The following PSG4 variants were observed in gnomAD, a reference collection of about 807,000 sequenced individuals.
The protein encoded by PSG4 is pregnancy specific beta-1-glycoprotein 4.
Under a neutral mutation model 44.3 loss-of-function variants are expected in PSG4, and 61 were observed. The observed-to-expected ratio is 1.38, with a 90% CI of 1.12 to 1.70. The LOEUF (loss-of-function observed/expected upper bound fraction) is 1.70. PSG4 is among the 40% of genes most tolerant of loss of function. The pLI is 0.00. For missense variants in PSG4, 677 were observed against 511.7 expected, an observed-to-expected ratio of 1.32 and a Z score of -3.12; for synonymous variants, 248 against 191.3, an observed-to-expected ratio of 1.30 and a Z score of -2.45.
rs1967073008 is a variant in PSG4, at chr19:43,192,717, C to T, written c.*655G>A. 1.3e-5 allele frequency: 2 copies of T among 159,092 alleles called. No homozygotes were observed. The highest frequency in any genetic ancestry group is 1.4e-5 in the Non-Finnish European group (1 of 72,076). 9.9% of individuals were successfully genotyped at this position (159,092 alleles called of 1,614,324 possible). On this transcript the variant is annotated 3_prime_UTR_variant, in exon 6 of 6. Coordinates refer to ENST00000405312, the MANE Select transcript of PSG4 (RefSeq NM_002780.5). Reference sequence around the variant, plus strand: ...GAGAACAGTATTAGCAAATGTGGTACATGTTTTATTCTGCTAGAATCAGTA... The same window carrying T: ...GAGAACAGTATTAGCAAATGTGGTATATGTTTTATTCTGCTAGAATCAGTA...
At chr19:43,197,502 C>T (rs1191718693) in intron 3 of PSG4, among the ~76,000 whole-genome samples, 4 of 142,882 alleles carry the variant, frequency 2.8e-5, no homozygotes, top group Non-Finnish European at 6.0e-5. Context: ...AATGCTCTGC[C>T]AGTGGGTGAG....
chr19:43,193,497 T>A (rs1967097071), intron 5 of PSG4, 109 bp from the exon 6 acceptor site: 2 of 734,512 alleles, frequency 2.7e-6, no homozygotes, highest in East Asian at 4.9e-5. Flanking sequence ...TGGGCATCTC[T>A]AGTTTTACCA....
chr19:43,193,677 A>G (rs1247990461), intron 5 of PSG4: 5 of 553,192 alleles, frequency 9.0e-6, no homozygotes, highest in African/African-American at 1.9e-5. Context: ...AACTTTTACA[A>G]AACCCTTGAG....
At position 43,203,894 on chromosome 19, in the gene PSG4, G is replaced by A. The variant is rs557418562; in HGVS notation, c.422C>T (p.Thr141Ile). Reference protein sequence around the residue: ...TGGVTGHFTFTLHLETPKPSI... With the variant: ...TGGVTGHFTFILHLETPKPSI... ...CATGTGGAATCACTCACGGTGTAAG[G>A]TGAAGGTGAAATGTCCAGTTACTCC... is the stretch of plus-strand genomic sequence containing the variant. Residue 141 changes from threonine to isoleucine, a missense_variant, in exon 2 of 6, where the codon ACC becomes ATC. Coordinates refer to ENST00000405312, the MANE Select transcript of PSG4 (RefSeq NM_002780.5). 1.9e-4 allele frequency: 293 copies of A among 1,580,256 alleles called. 31 individuals carry two copies. The South Asian group carries it at 3.1e-3, about 17-fold the overall frequency.
In PSG4 at chr19:43,192,909, C is replaced by T. The variant is rs1355871094; in HGVS notation, c.*463G>A. 2.8e-6 allele frequency: 1 copy of T among 361,688 alleles called. No homozygotes were observed. The highest frequency in any genetic ancestry group is 2.1e-5 in the African/African-American group (1 of 48,640). 22.4% of individuals were successfully genotyped at this position (361,688 alleles called of 1,614,324 possible). Reference sequence around the variant, plus strand: ...CTCTGTGTTCATTTCTATTGGGAGCCCTGTATGCAAGATGGAGAGAGCCAC... The same window carrying T: ...CTCTGTGTTCATTTCTATTGGGAGCTCTGTATGCAAGATGGAGAGAGCCAC... On this transcript the variant is annotated 3_prime_UTR_variant, in exon 6 of 6. Coordinates refer to ENST00000405312, the MANE Select transcript of PSG4 (RefSeq NM_002780.5).
chr19:43,197,877 C>A lies in PSG4; in HGVS notation c.709+120G>T. On this transcript the variant is annotated intron_variant, in intron 3 of 5. Transcript: ENST00000405312. ...GCCTGGGGCAGAAAGTCATGGCCAG[C>A]TTTGATGTCTAGGGGTAAAGGTCTC... 1.3e-6 allele frequency: 2 copies of A among 1,568,950 alleles called. 1 individual carries two copies. Among genetic ancestry groups the A allele is most frequent in the South Asian group, 2.3e-5 (2 of 88,132 alleles).
In PSG4 at chr19:43,203,923, A is replaced by T. The variant is rs146147478; in HGVS notation, c.393T>A (p.Thr131=). ...AGGTGAAATGTCCAGTTACTCCTCC[A>T]GTCCCATCGCGTCGCTTTATGATGT... The part of the protein sequence containing the change: ...TLHIIKRRDG[T]GGVTGHFTFT... Residue 131 remains threonine, a synonymous_variant, in exon 2 of 6, where the codon ACT becomes ACA. Coordinates refer to ENST00000405312, the MANE Select transcript of PSG4 (RefSeq NM_002780.5). 1 of 1,585,104 alleles carries T rather than the reference A, an allele frequency of 6.3e-7. No individual in the cohort carries two copies. The highest frequency in any genetic ancestry group is 8.5e-7 in the Non-Finnish European group (1 of 1,170,718).
chr19:43,204,940 G>C (rs1273441373), intron 1 of PSG4: 4 of 297,038 alleles, frequency 1.3e-5, no homozygotes, highest in Non-Finnish European at 2.5e-5. Flanking sequence ...TTCAAAATAT[G>C]GTGGCCCCTG....
intron 5 of PSG4, chr19:43,194,119 C>T (rs28391251): frequency 6.7e-6 from 9 of 1,349,974 alleles, no homozygotes; most frequent in East Asian, 2.4e-5. Flanking sequence ...ATCAATGTTT[C>T]TCCTGCTTGG....
chr19:43,197,346 C>G (rs143670280), intron 3 of PSG4, among the ~76,000 whole-genome samples: 3,076 of 145,008 alleles, frequency 0.021, 492 homozygotes, highest in African/African-American at 0.078. Context: ...ACTTACCAGG[C>G]ACTATGATCC....
At position 43,202,221 on chromosome 19, in the gene PSG4, A is replaced by C. The variant is rs796475522; in HGVS notation, c.430+1665T>G. ...GAGGAAGATGAGGGACACAGAGAAG[A>C]AGAGAGAGGCAGAGACACCATGGCA... On this transcript the variant is annotated intron_variant, in intron 2 of 5. Coordinates refer to ENST00000405312, the MANE Select transcript of PSG4 (RefSeq NM_002780.5). Among the ~76,000 whole-genome samples the C allele has an allele frequency of 1.0e-3, 146 of 142,952 alleles. 7 individuals are homozygous for C. Among genetic ancestry groups the C allele is most frequent in the African/African-American group, 2.7e-3 (96 of 35,750 alleles). 93.8% of individuals were successfully genotyped at this position (142,952 alleles called of 152,430 possible). A position where few individuals can be genotyped will look rare whatever the true frequency, so the allele number is the denominator to read the frequency against.
intron 1 of PSG4, 27 bp from the exon 2 acceptor site, chr19:43,204,278 A>AT (rs1967658259): frequency 6.5e-7 from 1 of 1,543,804 alleles, no homozygotes; most frequent in Non-Finnish European, 8.7e-7. Flanking sequence ...GCATCAGTTA[A>AT]TATTGAGACC....
At chr19:43,195,699 A>T (rs1967215727) in intron 3 of PSG4, among the ~76,000 whole-genome samples, 1 of 151,226 alleles carries the variant, frequency 6.6e-6, no homozygotes. Flanking sequence ...CATTTCAAGG[A>T]CATTCTAGAG....
At chr19:43,198,381 C>G in intron 2 of PSG4, 106 bp from the exon 3 acceptor site, 1 of 1,468,766 alleles carries the variant, frequency 6.8e-7, no homozygotes, top group Non-Finnish European at 9.0e-7. Flanking sequence ...CCACCCAAGT[C>G]CTTAAAAGCC....
At chr19:43,203,559 C>T (rs1967616602) in intron 2 of PSG4, 1 of 335,774 alleles carries the variant, frequency 3.0e-6, no homozygotes, top group Non-Finnish European at 5.2e-6. Context: ...TCAGGCCAGC[C>T]CTACTCAGTT....
intron 3 of PSG4, among the ~76,000 whole-genome samples, chr19:43,197,148 G>A (rs1220012417): frequency 6.9e-6 from 1 of 145,564 alleles, no homozygotes; most frequent in Non-Finnish European, 1.5e-5. Flanking sequence ...TTCATTGTTA[G>A]TGTATAGTCT....
chr19:43,200,706 G>A (rs1187981148), intron 2 of PSG4, among the ~76,000 whole-genome samples: 1 of 145,442 alleles, frequency 6.9e-6, no homozygotes, highest in African/African-American at 2.6e-5. Context: ...CTCCCAAGTA[G>A]CTGGGACTAC....
rs1967516878 is a variant in PSG4, at chr19:43,201,710, T to C, written c.430+2176A>G. ...ACTGTCCTTGAAAATCTCTAACCCC[T>C]GCTCCACTGGGGAGGCTGATTTGAG... On this transcript the variant is annotated intron_variant, in intron 2 of 5. Transcript: ENST00000405312. Among the ~76,000 whole-genome samples the C allele has an allele frequency of 3.4e-5, 5 of 145,604 alleles. 1 individual carries two copies. The highest frequency in any genetic ancestry group is 4.5e-5 in the Non-Finnish European group (3 of 67,244).
rs183349811 is a variant in PSG4, at chr19:43,194,973, C to T, written c.988+22G>A. 6.4e-5 allele frequency: 103 copies of T among 1,607,624 alleles called. 2 individuals are homozygous for T. In the East Asian group the frequency reaches 1.3e-3, roughly 21 times the overall value. ...GGATTTAAGCTGGTGTCCTGGCCCA[C>T]AGAGGAACAAAAGATACTCACAGAG... On this transcript the variant is annotated intron_variant, in intron 4 of 5. Transcript: ENST00000405312.
Sources: gnomAD v4.1 joint callset for allele counts (sites outside exome capture counted in the v4.1 genomes callset) on GRCh38, gnomAD v4.1.1 for gene constraint, MANE v1.5 for transcripts, NCBI Gene and HGNC (gene_info 2026-07-23, HGNC 2026-07-21) for gene names.